Variants in MDH2 observed in about 807,000 individuals in gnomAD.
MDH2 encodes malate dehydrogenase 2, also known as malate dehydrogenase, mitochondrial.
MDH2 carries 25 observed loss-of-function variants against 33.6 expected under a neutral mutation model. That is an observed-to-expected ratio of 0.74 (90% confidence interval 0.54 to 1.04). MDH2 has a LOEUF of 1.04. Among genes scored for constraint, MDH2 ranks in the 50% least tolerant of loss-of-function variants. The probability of loss-of-function intolerance (pLI) is 0.00; values close to 1 mark genes in which losing one functional copy is unlikely to be tolerated. For synonymous variants in MDH2, 193 were observed against 188.7 expected, an observed-to-expected ratio of 1.02 and a Z score of -0.19; for missense variants, 432 against 445.0, an observed-to-expected ratio of 0.97 and a Z score of 0.26.
chr7:76,054,688 T>G, intron 1 of MDH2, 142 bp from the exon 2 acceptor site: 1 of 968,000 alleles, frequency 1.0e-6, no homozygotes, highest in South Asian at 1.4e-5. Flanking sequence ...TCTTCCAGAA[T>G]GAGACTGTTA....
At chr7:76,062,312 C>A (rs1340620917) in intron 5 of MDH2, among the ~76,000 whole-genome samples, 1 of 152,238 alleles carries the variant, frequency 6.6e-6, no homozygotes, top group Admixed American at 6.5e-5. Flanking sequence ...ACATACATTT[C>A]TAGGAGTCTT....
At chr7:76,058,603 A>T (rs1033434508) in intron 4 of MDH2, among the ~76,000 whole-genome samples, 1 of 152,194 alleles carries the variant, frequency 6.6e-6, no homozygotes, top group Non-Finnish European at 1.5e-5. Flanking sequence ...TAACAACAAC[A>T]ACTCATAGTA....
intron 1 of MDH2, among the ~76,000 whole-genome samples, chr7:76,050,806 T>C (rs535771963): frequency 4.1e-4 from 63 of 152,116 alleles, no homozygotes; most frequent in Non-Finnish European, 8.2e-4. Flanking sequence ...CACCAAGGTT[T>C]TGGGCCTTGG....
Position 76,064,342 on chromosome 7 carries a change from A to G in MDH2, c.637A>G (p.Thr213Ala), listed in dbSNP as rs782104893. 6.2e-7 allele frequency: 1 copy of G among 1,610,602 alleles called. No individual in the cohort carries two copies. The highest frequency in any genetic ancestry group is 1.1e-5 in the South Asian group (1 of 90,280). Residue 213 changes from threonine to alanine, a missense_variant, in exon 7 of 9, where the codon ACC (threonine) becomes GCC (alanine). Thr to Ala is a moderately conservative substitution (Grantham distance 58, BLOSUM62 0). Coordinates refer to ENST00000315758, the MANE Select transcript of MDH2 (RefSeq NM_005918.4). ...GATCCCATGGCTTGGCTTGCAGTGC[A>G]CCCCCAAGGTGGACTTTCCCCAGGA... ...KTIIPLISQC[T>A]PKVDFPQDQL...
At chr7:76,064,989 A>C (rs1798057771) in intron 8 of MDH2, 36 bp downstream of exon 8, 1 of 1,610,870 alleles carries the variant, frequency 6.2e-7, no homozygotes, top group South Asian at 1.1e-5. Context: ...TGACTGTGGA[A>C]TAAGGGGGCG....
chr7:76,063,425 CT>C, intron 5 of MDH2, 89 bp from the exon 6 acceptor site: 4 of 1,294,746 alleles, frequency 3.1e-6, no homozygotes, highest in Non-Finnish European at 4.5e-6. Flanking sequence ...TTCTGGGGGG[CT>C]TTTCCAGTGT....
In MDH2 at chr7:76,065,309, G is replaced by C. The variant is rs548588389; in HGVS notation, c.885+356G>C. On this transcript the variant is annotated intron_variant, in intron 8 of 8. Transcript: ENST00000315758. ...CTTGTTCATCTTGTTCTGACTGCGG[G>C]GGGCGGCCAGGCCCAATTCCTCTTC... 15 of 194,296 alleles carry C rather than the reference G, an allele frequency of 7.7e-5. No homozygotes were observed. In the South Asian group the frequency reaches 1.6e-3, roughly 21 times the overall value. 12.0% of individuals were successfully genotyped at this position (194,296 alleles called of 1,614,324 possible).
intron 4 of MDH2, among the ~76,000 whole-genome samples, chr7:76,059,671 G>C (rs1490095976): frequency 6.6e-6 from 1 of 152,200 alleles, no homozygotes; most frequent in Non-Finnish European, 1.5e-5. Flanking sequence ...TGATGTCACT[G>C]AGAGGCATGG....
chr7:76,051,561 T>TG (rs1797627273), intron 1 of MDH2, among the ~76,000 whole-genome samples: 1 of 152,144 alleles, frequency 6.6e-6, no homozygotes, highest in Admixed American at 6.5e-5. Flanking sequence ...CCTCAGGTGA[T>TG]GCGCCCATCT....
At chr7:76,054,466 G>A (rs558700851) in intron 1 of MDH2, 31 of 268,732 alleles carry the variant, frequency 1.2e-4, no homozygotes, top group Non-Finnish European at 1.8e-4. Flanking sequence ...CTCAGTTACC[G>A]GGAGGGCCTG....
chr7:76,054,649 A>C (rs1231820269), intron 1 of MDH2, 181 bp from the exon 2 acceptor site: 18 of 720,836 alleles, frequency 2.5e-5, no homozygotes, highest in Non-Finnish European at 4.2e-5. Flanking sequence ...CCCATTTGAA[A>C]GTGGACCTTT....
chr7:76,059,718 C>G (rs374246495), intron 4 of MDH2, among the ~76,000 whole-genome samples: 151 of 152,316 alleles, frequency 9.9e-4, no homozygotes, highest in African/African-American at 3.3e-3. Flanking sequence ...CTCCTGGCCT[C>G]TAAGGGTCCT....
chr7:76,060,534 C>T (rs751291141), intron 5 of MDH2, 36 bp downstream of exon 5: 1 of 1,609,242 alleles, frequency 6.2e-7, no homozygotes, highest in Non-Finnish European at 8.5e-7. Context: ...GGTGACCTTT[C>T]TGAACTTCTC....
intron 5 of MDH2, among the ~76,000 whole-genome samples, chr7:76,062,636 C>T (rs782237172): frequency 1.3e-5 from 2 of 152,356 alleles, no homozygotes; most frequent in East Asian, 1.9e-4. Flanking sequence ...TTGGTTCAGC[C>T]GGGCGCAGTG....
intron 4 of MDH2, 184 bp downstream of exon 4, chr7:76,058,262 A>T: frequency 1.7e-6 from 1 of 591,258 alleles, no homozygotes; most frequent in Admixed American, 2.9e-5. Flanking sequence ...TGCACTTCCT[A>T]AGGACTCCTT....
intron 5 of MDH2, among the ~76,000 whole-genome samples, chr7:76,063,192 G>A (rs1465295): frequency 0.014 from 2,122 of 150,556 alleles, 41 homozygotes; most frequent in African/African-American, 0.049. Context: ...TGCCAGGCCC[G>A]GGGGGGGCCT....
intron 1 of MDH2, among the ~76,000 whole-genome samples, chr7:76,049,601 A>C (rs1397085214): frequency 6.6e-6 from 1 of 152,070 alleles, no homozygotes; most frequent in Non-Finnish European, 1.5e-5. Context: ...AAGAGAGGAC[A>C]GGGGTGTCCA....
At chr7:76,049,926 G>T (rs1797561998) in intron 1 of MDH2, among the ~76,000 whole-genome samples, 1 of 152,044 alleles carries the variant, frequency 6.6e-6, no homozygotes, top group Non-Finnish European at 1.5e-5. Context: ...CCACCTCCCA[G>T]GTTGGAGCGA....
At chr7:76,063,709 G>A (rs932543144) in intron 6 of MDH2, 117 bp downstream of exon 6, 16 of 1,002,076 alleles carry the variant, frequency 1.6e-5, no homozygotes, top group African/African-American at 1.3e-4. Flanking sequence ...GTTTTGGAAG[G>A]GCTCCTGTTG....
Sources: gnomAD v4.1 joint callset for allele counts (sites outside exome capture counted in the v4.1 genomes callset) on GRCh38, gnomAD v4.1.1 for gene constraint, MANE v1.5 for transcripts, NCBI Gene and HGNC (gene_info 2026-07-23, HGNC 2026-07-21) for gene names.